PPHLN1: variants seen among roughly 807,000 people sequenced by gnomAD.
The protein encoded by PPHLN1 is periphilin-1.
In PPHLN1, 29 loss-of-function variants were observed where a neutral mutation model predicts 51.3. The observed-to-expected ratio is 0.57, with a 90% confidence interval of 0.42 to 0.77. The LOEUF (loss-of-function observed/expected upper bound fraction) is 0.77, where lower values mean the gene tolerates loss of function less well. Among genes scored for constraint, PPHLN1 ranks in the 30% least tolerant of loss-of-function variants. The pLI is 0.00. For synonymous variants in PPHLN1, 147 were observed against 147.8 expected (o/e 0.99, Z 0.04); for missense variants, 436 against 438.4 (o/e 0.99, Z 0.05).
chr12:42,429,204 G>T (rs151259607), intron 9 of PPHLN1, among the ~76,000 whole-genome samples: 144 of 152,152 alleles, frequency 9.5e-4, no homozygotes, highest in African/African-American at 3.2e-3. Context: ...GCCAGTAATT[G>T]ACATTGAATA....
intron 9 of PPHLN1, among the ~76,000 whole-genome samples, chr12:42,416,955 C>A (rs946841740): frequency 2.0e-5 from 3 of 152,106 alleles, no homozygotes; most frequent in African/African-American, 7.2e-5. Flanking sequence ...TGTTTGAATT[C>A]TATGATGGGC....
intron 9 of PPHLN1, among the ~76,000 whole-genome samples, chr12:42,411,066 T>A (rs1592815217): frequency 6.6e-6 from 1 of 152,266 alleles, no homozygotes; most frequent in South Asian, 2.1e-4. Flanking sequence ...GTTATCTCTT[T>A]GAATATTTAA....
intron 5 of PPHLN1, among the ~76,000 whole-genome samples, chr12:42,384,623 C>G (rs535855248): frequency 2.0e-5 from 3 of 152,278 alleles, no homozygotes; most frequent in South Asian, 2.1e-4. Context: ...TGATCTTTGT[C>G]TTCAACTTTC....
At chr12:42,402,402 A>C (rs2139369691) in intron 9 of PPHLN1, among the ~76,000 whole-genome samples, 1 of 152,188 alleles carries the variant, frequency 6.6e-6, no homozygotes, top group South Asian at 2.1e-4. Context: ...TATTTTGTTG[A>C]TTGTTATTAG....
intron 2 of PPHLN1, among the ~76,000 whole-genome samples, chr12:42,347,545 G>A (rs920829527): frequency 2.0e-5 from 3 of 152,134 alleles, no homozygotes; most frequent in East Asian, 1.9e-4. Flanking sequence ...TTTGGGAGGC[G>A]TAGGCAGGTG....
chr12:42,329,849 T>G (rs960633579), intron 1 of PPHLN1: 3 of 151,914 alleles, frequency 2.0e-5, no homozygotes, highest in East Asian at 1.9e-4. Flanking sequence ...AGAAAAGAAA[T>G]AAGACACAGA....
At chr12:42,409,724 C>T (rs1031127976) in intron 9 of PPHLN1, among the ~76,000 whole-genome samples, 53 of 151,944 alleles carry the variant, frequency 3.5e-4, no homozygotes, top group Non-Finnish European at 7.8e-4. Context: ...CTGAACGTAT[C>T]CACTCCATTG....
chr12:42,399,174 C>T, intron 9 of PPHLN1, 180 bp downstream of exon 9: 7 of 1,293,498 alleles, frequency 5.4e-6, no homozygotes, highest in Non-Finnish European at 5.9e-6. Flanking sequence ...TATGGTCCCC[C>T]ACCTGGATTG....
chr12:42,409,805 TTATC>T (rs1276177294), intron 9 of PPHLN1, among the ~76,000 whole-genome samples: 1 of 152,092 alleles, frequency 6.6e-6, no homozygotes, highest in African/African-American at 2.4e-5. Flanking sequence ...TGACGATTAT[TTATC>T]TATTATGTGT....
At position 42,441,478 on chromosome 12, in the gene PPHLN1, C is replaced by A; in HGVS notation, c.1073C>A (p.Thr358Asn). 1 of 1,605,016 alleles carries A rather than the reference C, an allele frequency of 6.2e-7. No homozygotes were observed. Among genetic ancestry groups the A allele is most frequent in the Admixed American group, 1.7e-5 (1 of 58,858 alleles). The change falls in exon 10 of 10, where the codon ACT becomes AAT. Residue 358 changes from threonine (T) to asparagine (N), a missense_variant. By Grantham distance (65) the Thr-to-Asn change is moderately conservative (BLOSUM62 0). Transcript: ENST00000358314. ...ELKHFIAEYD[T>N]STQDFGEPF is the part of the protein sequence containing the mutation. ...AAGCATTTCATTGCAGAGTATGATACTTCCACTCAAGATTTTGGAGAGCCT... is the reference window on the plus strand; with the variant it reads ...AAGCATTTCATTGCAGAGTATGATAATTCCACTCAAGATTTTGGAGAGCCT...
chr12:42,330,612 A>G (rs921452070), intron 1 of PPHLN1, among the ~76,000 whole-genome samples: 3 of 152,232 alleles, frequency 2.0e-5, no homozygotes, highest in Non-Finnish European at 2.9e-5. Flanking sequence ...TTGATACCAT[A>G]CAACACATGT....
At chr12:42,399,346 A>G (rs1056202786) in intron 9 of PPHLN1, 114 of 845,168 alleles carry the variant, frequency 1.3e-4, no homozygotes, top group Non-Finnish European at 1.5e-4. Context: ...GGGATTACAG[A>G]TGTTTCTTAT....
At chr12:42,334,575 C>T (rs2070306329) in intron 1 of PPHLN1, among the ~76,000 whole-genome samples, 1 of 152,134 alleles carries the variant, frequency 6.6e-6, no homozygotes, top group Non-Finnish European at 1.5e-5. Flanking sequence ...TTGCCCCTCC[C>T]TTAGTATTAC....
chr12:42,434,944 T>C (rs1319146964), intron 9 of PPHLN1, among the ~76,000 whole-genome samples: 1 of 152,216 alleles, frequency 6.6e-6, no homozygotes. Flanking sequence ...CTGCCCGCCC[T>C]GGCCTCCCAA....
intron 4 of PPHLN1, among the ~76,000 whole-genome samples, chr12:42,357,157 C>T (rs939155743): frequency 2.0e-5 from 3 of 152,164 alleles, no homozygotes; most frequent in African/African-American, 4.8e-5. Flanking sequence ...ATCATGACAT[C>T]CTTAGCGAGG....
intron 2 of PPHLN1, among the ~76,000 whole-genome samples, chr12:42,349,704 CAG>C (rs970712408): frequency 6.6e-6 from 1 of 152,096 alleles, no homozygotes; most frequent in Non-Finnish European, 1.5e-5. Flanking sequence ...GCACATGTTT[CAG>C]AGAGCACGGG....
chr12:42,424,648 A>G (rs2081270816), intron 9 of PPHLN1, among the ~76,000 whole-genome samples: 1 of 152,160 alleles, frequency 6.6e-6, no homozygotes. Flanking sequence ...CTGGAGCTGT[A>G]GGTAATCCTG....
chr12:42,413,394 T>C (rs749495628), intron 9 of PPHLN1, among the ~76,000 whole-genome samples: 9 of 152,170 alleles, frequency 5.9e-5, no homozygotes, highest in Admixed American at 3.3e-4. Flanking sequence ...ATTTATGTTT[T>C]TGTATGCTTT....
chr12:42,446,323 G>GT, downstream of PPHLN1: 1 of 1,544,866 alleles, frequency 6.5e-7, no homozygotes, highest in South Asian at 1.2e-5. Flanking sequence ...CACTTTGCCT[G>GT]TTACCCGTAC....
Sources: allele counts gnomAD v4.1 joint callset (sites outside exome capture counted in the v4.1 genomes callset), GRCh38; gene constraint gnomAD v4.1.1; transcripts MANE v1.5; gene names NCBI Gene and HGNC (gene_info 2026-07-23, HGNC 2026-07-21).